The following HERC2 variants were observed in gnomAD, a reference collection of about 807,000 sequenced individuals.
HERC2 encodes the protein E3 ubiquitin-protein ligase HERC2.
Under a neutral mutation model 537.7 loss-of-function variants are expected in HERC2, and 102 were observed. That is an observed-to-expected ratio of 0.19 (90% CI 0.16 to 0.22). The LOEUF (loss-of-function observed/expected upper bound fraction) is 0.22. Ranked by LOEUF, HERC2 falls within the 10% of genes least tolerant of loss-of-function variation. The pLI, the probability that HERC2 is intolerant of heterozygous loss-of-function variation, is 1.00. For missense variants in HERC2, 4,236 were observed against 6,198.2 expected, an observed-to-expected ratio of 0.68 and a Z score of 10.63; for synonymous variants, 2,224 against 2,466.2, an observed-to-expected ratio of 0.90 and a Z score of 2.91.
At chr15:28,308,430 C>T (rs552389332) in intron 2 of HERC2, among the ~76,000 whole-genome samples, 30 of 152,296 alleles carry the variant, frequency 2.0e-4, no homozygotes, top group African/African-American at 7.0e-4. Context: ...TTGAATTTAT[C>T]GGCTCTAATC....
intron 44 of HERC2, among the ~76,000 whole-genome samples, chr15:28,208,902 C>T (rs1211716850): frequency 6.6e-6 from 1 of 152,204 alleles, no homozygotes; most frequent in Non-Finnish European, 1.5e-5. Flanking sequence ...TCTCCTCATC[C>T]AAACCCTAGA....
At chr15:28,280,429 A>G in intron 4 of HERC2, 142 bp from the exon 5 acceptor site, 3 of 660,596 alleles carry the variant, frequency 4.5e-6, no homozygotes, top group South Asian at 2.0e-5. Flanking sequence ...CTTTACACAC[A>G]TGAGCTCAGG....
chr15:28,187,678 A>G (rs547929638), intron 55 of HERC2, among the ~76,000 whole-genome samples: 2 of 152,304 alleles, frequency 1.3e-5, no homozygotes, highest in South Asian at 4.1e-4. Context: ...TGCTATTATC[A>G]TAGCACAAAC....
chr15:28,169,036 G>A (rs1446200131), intron 66 of HERC2, among the ~76,000 whole-genome samples: 1 of 152,228 alleles, frequency 6.6e-6, no homozygotes, highest in African/African-American at 2.4e-5. Flanking sequence ...AAGGACACCT[G>A]TCAGGTCCAC....
Position 28,268,607 on chromosome 15 carries a change from G to C in HERC2, c.1456C>G (p.Leu486Val). The C allele has an allele frequency of 6.2e-7, 1 of 1,613,946 alleles. No individual in the cohort carries two copies. The highest frequency in any genetic ancestry group is 8.5e-7 in the Non-Finnish European group (1 of 1,179,902). Residue 486 changes from leucine (L) to valine (V), a missense_variant, in exon 12 of 93, where the codon CTG becomes GTG. By Grantham distance (32) the Leu-to-Val change is conservative (BLOSUM62 1). This residue lies in a region of HERC2 where 754 missense variants were observed against 1,085.0 expected (regional missense o/e 0.69). Coordinates refer to ENST00000261609, the MANE Select transcript of HERC2 (RefSeq NM_004667.6). The surrounding 1 kb of genome is among the most constrained non-coding windows in gnomAD (Gnocchi z 4.7). ...TTTCTGGAGGCAAGGCCTTGGACCA[G>C]CTGTGGGGCCTAAAGAAGGAAAAAT... ...AYNSDTLAPQ[L>V]VQGLASRNIV...
chr15:28,148,631 T>C (rs1201707435), intron 70 of HERC2, among the ~76,000 whole-genome samples: 1 of 151,736 alleles, frequency 6.6e-6, no homozygotes, highest in Non-Finnish European at 1.5e-5. Context: ...CACATGCGGC[T>C]GCTAACCGAG....
In HERC2 at chr15:28,213,789, A is replaced by G. The variant is rs998381747; in HGVS notation, c.6739T>C (p.Ser2247Pro). 1 of 1,613,906 alleles carries G rather than the reference A, an allele frequency of 6.2e-7. No individual in the cohort carries two copies. Among genetic ancestry groups the G allele is most frequent in the African/African-American group, 1.3e-5 (1 of 74,944 alleles). ...CAAACGCGACACGTCCGCATGTCAG[A>G]GAACTGCACGGTGATTTTGCCCTTT... ...TPKGKITVQF[S>P]DMRTCRVCPL... The change falls in exon 42 of 93, where the codon TCT becomes CCT. Residue 2247 changes from serine to proline, a missense_variant. Ser to Pro is a moderately conservative substitution (Grantham distance 74). This residue lies in a region of HERC2 where 67 missense variants were observed against 140.1 expected (regional missense o/e 0.48). Coordinates refer to ENST00000261609, the MANE Select transcript of HERC2 (RefSeq NM_004667.6).
At chr15:28,200,709 G>C (rs1897823355) in intron 48 of HERC2, among the ~76,000 whole-genome samples, 2 of 151,602 alleles carry the variant, frequency 1.3e-5, no homozygotes, top group Admixed American at 1.3e-4. Context: ...AAAACTACAA[G>C]CAAGCGTTAG....
chr15:28,127,786 T>G (rs1050288962), intron 83 of HERC2, among the ~76,000 whole-genome samples: 9 of 152,034 alleles, frequency 5.9e-5, no homozygotes, highest in Admixed American at 4.6e-4. Flanking sequence ...GCCAGCCAAA[T>G]AGAGCACAAC....
rs183551562 is a variant in HERC2, at chr15:28,238,290, T to C, written c.3749-73A>G. 3,323 of 1,129,784 alleles carry C rather than the reference T, an allele frequency of 2.9e-3. 13 individuals are homozygous for C. The highest frequency in any genetic ancestry group is 3.9e-3 in the Non-Finnish European group (2,911 of 740,934). 70.0% of individuals were successfully genotyped at this position (1,129,784 alleles called of 1,614,324 possible). On this transcript the variant is annotated intron_variant, in intron 24 of 92. Coordinates refer to ENST00000261609, the MANE Select transcript of HERC2 (RefSeq NM_004667.6). ...GAAGAGATATAGGAGAAACAGTGAA[T>C]AGGAAATAAGTTAGGCGCTTAACTC...
intron 77 of HERC2, 39 bp downstream of exon 77, chr15:28,141,692 C>A (rs566459129): frequency 6.2e-7 from 1 of 1,611,160 alleles, no homozygotes; most frequent in East Asian, 2.2e-5. Context: ...GCCTCTCACA[C>A]TCACGATCGA....
intron 57 of HERC2, 144 bp downstream of exon 57, chr15:28,182,257 T>C: frequency 1.9e-6 from 1 of 540,294 alleles, no homozygotes; most frequent in Non-Finnish European, 3.3e-6. Flanking sequence ...GGAGAGACGC[T>C]TCTGAGGGGT....
At chr15:28,286,623 C>A (rs2076164815) in intron 4 of HERC2, among the ~76,000 whole-genome samples, 2 of 152,110 alleles carry the variant, frequency 1.3e-5, no homozygotes, top group South Asian at 4.1e-4. Context: ...TCTTGATAAA[C>A]AGCATTTACA....
At position 28,257,071 on chromosome 15, in the gene HERC2, A is replaced by G; in HGVS notation, c.2507T>C (p.Leu836Pro). ...ECVAVATLNLLRLQLHAAISH... is the reference protein window; with the variant it reads ...ECVAVATLNLPRLQLHAAISH... ...GGAAATCATGAATACCTGAAGTCGTAGAAGATTCAGCGTTGCCACGGCCAC... is the reference window on the plus strand; with the variant it reads ...GGAAATCATGAATACCTGAAGTCGTGGAAGATTCAGCGTTGCCACGGCCAC... Residue 836 changes from leucine (L) to proline (P), a missense_variant, in exon 17 of 93, where the codon CTA becomes CCA. Leu to Pro is a moderately conservative substitution (Grantham distance 98). Around this residue, in one of 27 missense-constraint regions of HERC2, gnomAD observed 754 missense variants for 1,085.0 expected, o/e 0.69. Coordinates refer to ENST00000261609, the MANE Select transcript of HERC2 (RefSeq NM_004667.6). 3 of 1,613,444 alleles carry G rather than the reference A, an allele frequency of 1.9e-6. No homozygotes were observed. Among genetic ancestry groups the G allele is most frequent in the Non-Finnish European group, 2.5e-6 (3 of 1,179,382 alleles).
intron 48 of HERC2, among the ~76,000 whole-genome samples, 186 bp downstream of exon 48, chr15:28,201,270 C>G (rs1897878515): frequency 1.3e-5 from 2 of 152,246 alleles, no homozygotes; most frequent in South Asian, 2.1e-4. Flanking sequence ...TGTTCTTTCT[C>G]ATTCCAGGGT....
In HERC2 at chr15:28,196,545, A is replaced by G. The variant is rs143746586; in HGVS notation, c.8036T>C (p.Ile2679Thr). 33 of 1,612,366 alleles carry G rather than the reference A, an allele frequency of 2.0e-5. No individual in the cohort carries two copies. The highest frequency in any genetic ancestry group is 1.6e-4 in the East Asian group (7 of 44,886). Residue 2679 changes from isoleucine (I) to threonine (T), a missense_variant, in exon 51 of 93, where the codon ATC becomes ACC. Physicochemically the swap from Ile to Thr is moderately conservative, Grantham distance 89. Coordinates refer to ENST00000261609, the MANE Select transcript of HERC2 (RefSeq NM_004667.6). Reference sequence around the variant, plus strand: ...AGACTGCTGGGGAAAGTCGACAATGATATCTTTTCCATTGGCACTGAAAGC... The same window carrying G: ...AGACTGCTGGGGAAAGTCGACAATGGTATCTTTTCCATTGGCACTGAAAGC... ...VKAFSANGKD[I>T]IVDFPQQSHW... is the part of the protein sequence containing the mutation.
chr15:28,206,697 G>C (rs1437119225), intron 44 of HERC2, among the ~76,000 whole-genome samples: 1 of 151,612 alleles, frequency 6.6e-6, no homozygotes, highest in Non-Finnish European at 1.5e-5. Flanking sequence ...GCTGGGCATG[G>C]TGGCGGGCGC....
rs759872038 is a variant in HERC2, at chr15:28,265,748, C to A, written c.1757-17G>T. ...CACTGGAGCCTTCAAACAGATAGGACGGCGGTTACTAAGTCCTGTAAGAGG... is the reference window on the plus strand; with the variant it reads ...CACTGGAGCCTTCAAACAGATAGGAAGGCGGTTACTAAGTCCTGTAAGAGG... On this transcript the variant is annotated splice_polypyrimidine_tract_variant and intron_variant, in intron 13 of 92. Transcript: ENST00000261609. The surrounding 1 kb of genome is among the most constrained non-coding windows in gnomAD (Gnocchi z 4.0). The A allele has an allele frequency of 3.3e-5, 53 of 1,613,894 alleles. 1 individual carries two copies. Among genetic ancestry groups the A allele is most frequent in the Admixed American group, 1.7e-5 (1 of 60,012 alleles).
At position 28,144,099 on chromosome 15, in the gene HERC2, A is replaced by G. The variant is rs1200900947; in HGVS notation, c.11277T>C (p.Ala3759=). 1 of 1,614,220 alleles carries G rather than the reference A, an allele frequency of 6.2e-7. No individual in the cohort carries two copies. Among genetic ancestry groups the G allele is most frequent in the Non-Finnish European group, 8.5e-7 (1 of 1,180,044 alleles). The part of the protein sequence containing the change: ...IVPRLAASLA[A]CAQLSALAAS... ...TACCTAGGGCACTCAGCTGTGCACA[A>G]GCTGCCAGCGAGGCCGCAAGGCGAG... is the stretch of plus-strand genomic sequence containing the variant. Residue 3759 remains alanine, a synonymous_variant, in exon 73 of 93, where the codon GCT becomes GCC. Transcript: ENST00000261609.
Sources: allele counts gnomAD v4.1 joint callset (sites outside exome capture counted in the v4.1 genomes callset), GRCh38; gene constraint gnomAD v4.1.1; regional missense constraint gnomAD v4.1.1; non-coding constraint Gnocchi (gnomAD v3.1); transcripts MANE v1.5; gene names NCBI Gene and HGNC (gene_info 2026-07-23, HGNC 2026-07-21).